SOX6: variants seen among roughly 807,000 people sequenced by gnomAD.
SOX6 encodes the protein SRY-box transcription factor 6.
In SOX6, 11 loss-of-function variants were observed where a neutral mutation model predicts 97.8. The observed-to-expected ratio is 0.11, with a 90% CI of 0.07 to 0.19. The LOEUF (loss-of-function observed/expected upper bound fraction) is 0.19, where lower values mean the gene tolerates loss of function less well. Among genes scored for constraint, SOX6 ranks in the 10% least tolerant of loss-of-function variants. The pLI is 1.00. For missense variants in SOX6, 810 were observed against 1,039.5 expected (o/e 0.78, Z 3.04); for synonymous variants, 360 against 371.4 (o/e 0.97, Z 0.35).
chr11:16,559,468 C>A (rs1041421477), intron 4 of SOX6, among the ~76,000 whole-genome samples: 3 of 151,010 alleles, frequency 2.0e-5, no homozygotes, highest in South Asian at 2.1e-4. Flanking sequence ...GGGAACCAAC[C>A]AGTGACCTTT....
chr11:16,597,547 G>C (rs558690743), intron 4 of SOX6, among the ~76,000 whole-genome samples: 1 of 151,774 alleles, frequency 6.6e-6, no homozygotes, highest in South Asian at 2.1e-4. Context: ...GTTTAATTTT[G>C]GTCTTCACAC....
chr11:16,626,523 G>T (rs1263421010), intron 3 of SOX6, among the ~76,000 whole-genome samples: 3 of 152,018 alleles, frequency 2.0e-5, no homozygotes, highest in Admixed American at 1.3e-4. Flanking sequence ...GTTATTTTAG[G>T]ACACTTTCAA....
At chr11:16,053,331 T>C (rs1413809299) in intron 10 of SOX6, among the ~76,000 whole-genome samples, 2 of 152,172 alleles carry the variant, frequency 1.3e-5, no homozygotes, top group African/African-American at 4.8e-5. Context: ...AAATCTGTTT[T>C]TGTTCCTTCA....
intron 6 of SOX6, among the ~76,000 whole-genome samples, chr11:16,166,213 C>T (rs1000266000): frequency 1.3e-5 from 2 of 152,142 alleles, no homozygotes; most frequent in South Asian, 2.1e-4. Context: ...ACATTACCAA[C>T]TTTAATCAAG....
intron 1 of SOX6, among the ~76,000 whole-genome samples, chr11:16,417,954 C>T (rs1050848551): frequency 3.3e-5 from 5 of 152,146 alleles, no homozygotes; most frequent in African/African-American, 1.2e-4. Flanking sequence ...TAAACAAACG[C>T]TAATATTCCT....
chr11:16,036,624 C>T (rs1855526952), intron 12 of SOX6, among the ~76,000 whole-genome samples: 1 of 152,096 alleles, frequency 6.6e-6, no homozygotes, highest in Non-Finnish European at 1.5e-5. Context: ...ATCCCGAATT[C>T]CCAAGGGCAA....
chr11:16,154,330 G>A (rs78559817), intron 6 of SOX6, among the ~76,000 whole-genome samples: 3 of 152,180 alleles, frequency 2.0e-5, no homozygotes, highest in African/African-American at 7.2e-5. Context: ...CATTACAATA[G>A]AATAATAACC....
chr11:16,712,347 T>G (rs1259761617), intron 3 of SOX6, among the ~76,000 whole-genome samples: 1 of 152,224 alleles, frequency 6.6e-6, no homozygotes, highest in Non-Finnish European at 1.5e-5. Context: ...GTGGCTGTAC[T>G]AGTTTTACAT....
At chr11:16,140,500 T>G (rs891710611) in intron 6 of SOX6, among the ~76,000 whole-genome samples, 2 of 152,180 alleles carry the variant, frequency 1.3e-5, no homozygotes, top group Admixed American at 6.5e-5. Flanking sequence ...TAACCTTAGC[T>G]TCCTCACTTG....
chr11:16,402,577 G>T, intron 1 of SOX6: 1 of 1,378,446 alleles, frequency 7.3e-7, no homozygotes, highest in Non-Finnish European at 1.0e-6. Flanking sequence ...CAGAGATGGT[G>T]ACAAAGAAAT....
At chr11:16,089,020 A>T (rs1180329769) in intron 9 of SOX6, among the ~76,000 whole-genome samples, 1 of 152,186 alleles carries the variant, frequency 6.6e-6, no homozygotes, top group Non-Finnish European at 1.5e-5. Context: ...ACATTGTAAC[A>T]TCAACCTGTA....
intron 3 of SOX6, among the ~76,000 whole-genome samples, chr11:16,677,443 T>A (rs1564866550): frequency 1.3e-5 from 2 of 152,194 alleles, no homozygotes; most frequent in South Asian, 4.1e-4. Context: ...GATCTTCAAA[T>A]TTTTTGCCAG....
At chr11:16,328,396 C>G (rs2134319495) in intron 2 of SOX6, among the ~76,000 whole-genome samples, 1 of 152,202 alleles carries the variant, frequency 6.6e-6, no homozygotes, top group East Asian at 1.9e-4. Context: ...CAAAAACAAC[C>G]AAAAGTCATT....
intron 1 of SOX6, among the ~76,000 whole-genome samples, chr11:16,388,155 G>T (rs1858049439): frequency 6.6e-6 from 1 of 152,056 alleles, no homozygotes; most frequent in East Asian, 1.9e-4. Flanking sequence ...ATTAATGGGT[G>T]TGGTCAACTG....
At position 16,168,094 on chromosome 11, in the gene SOX6, C is replaced by G. The variant is rs542883799; in HGVS notation, c.777+15792G>C. Among the ~76,000 whole-genome samples the G allele has an allele frequency of 1.3e-3, 200 of 152,168 alleles. 1 individual carries two copies. Among genetic ancestry groups the G allele is most frequent in the African/African-American group, 4.7e-3 (196 of 41,524 alleles). ...AGAAGTTGACTTTAGGAAGAATATT[C>G]TGGAATAGACATATAAATTGGAAAG... On this transcript the variant is annotated intron_variant, in intron 6 of 15. Coordinates refer to ENST00000683767, the MANE Select transcript of SOX6 (RefSeq NM_001367873.1).
intron 3 of SOX6, among the ~76,000 whole-genome samples, chr11:16,236,390 T>C (rs1408523562): frequency 6.6e-6 from 1 of 152,068 alleles, no homozygotes; most frequent in Non-Finnish European, 1.5e-5. Flanking sequence ...TTCAAATCCA[T>C]GCCTGTCACA....
intron 4 of SOX6, among the ~76,000 whole-genome samples, chr11:16,500,534 G>C (rs567104811): frequency 6.6e-6 from 1 of 152,300 alleles, no homozygotes; most frequent in African/African-American, 2.4e-5. Context: ...CCTGTTTGCA[G>C]ATGACATGAT....
intron 3 of SOX6, among the ~76,000 whole-genome samples, chr11:16,269,086 C>G (rs879263114): frequency 1.3e-5 from 2 of 148,936 alleles, no homozygotes; most frequent in South Asian, 4.2e-4. Flanking sequence ...TTATTCTTTT[C>G]TATAGTATTA....
At position 16,379,969 on chromosome 11, in the gene SOX6, T is replaced by C. The variant is rs184037018; in HGVS notation, c.-4-38717A>G. Among the ~76,000 whole-genome samples, 8 of 151,942 alleles carry C rather than the reference T, an allele frequency of 5.3e-5. No individual in the cohort carries two copies. The East Asian group carries it at 1.5e-3, about 29-fold the overall frequency. On this transcript the variant is annotated intron_variant, in intron 1 of 15. Transcript: ENST00000396356. ...AATGATATACCATTAAATTAAAAAGTAGATTATAATATAATATAAATATTT... is the reference window on the plus strand; with the variant it reads ...AATGATATACCATTAAATTAAAAAGCAGATTATAATATAATATAAATATTT...
Sources: allele counts gnomAD v4.1 joint callset (sites outside exome capture counted in the v4.1 genomes callset), GRCh38; gene constraint gnomAD v4.1.1; transcripts MANE v1.5; gene names NCBI Gene and HGNC (gene_info 2026-07-23, HGNC 2026-07-21).